H4C13: variants seen among roughly 807,000 people sequenced by gnomAD.
The protein encoded by H4C13 is H4 clustered histone 13.
Under a neutral mutation model 5.2 loss-of-function variants are expected in H4C13, and 11 were observed. That is an observed-to-expected ratio of 2.13 (90% CI 1.34 to 3.52). The LOEUF (loss-of-function observed/expected upper bound fraction) is 3.52, where lower values mean the gene tolerates loss of function less well. Among genes scored for constraint, H4C13 ranks in the 30% most tolerant of loss-of-function variants. The pLI, the probability that H4C13 is intolerant of heterozygous loss-of-function variation, is 0.00. For synonymous variants in H4C13, 94 were observed against 59.4 expected (o/e 1.58, Z -2.68); for missense variants, 171 against 146.8 (o/e 1.17, Z -0.85).
Position 27,873,339 on chromosome 6 carries a change from C to T in H4C13, c.172G>A (p.Val58Ile), listed in dbSNP as rs552991432. ...SGLIYEETRG[V>I]LKVFLENVIR... is the part of the protein sequence containing the mutation. Reference sequence around the variant, plus strand: ...ACATTCTCCAAAAACACTTTAAGAACTCCGCGTGTCTCCTCGTATATAAGG... The same window carrying T: ...ACATTCTCCAAAAACACTTTAAGAATTCCGCGTGTCTCCTCGTATATAAGG... The change falls in exon 1 of 1, where the codon GTT becomes ATT. Residue 58 changes from valine (V) to isoleucine (I), a missense_variant. Transcript: ENST00000618305. The T allele has an allele frequency of 6.2e-6, 10 of 1,614,160 alleles. No homozygotes were observed. Among genetic ancestry groups the T allele is most frequent in the Admixed American group, 1.7e-5 (1 of 60,016 alleles).
In H4C13 at chr6:27,873,478, C is replaced by T. The variant is rs867475366; in HGVS notation, c.33G>A (p.Leu11=). ...GGTGGCGCTTAGCGCCTCCTTTGCC[C>T]AGACCCTTCCCGCCTTTGCCGCGCC... MSGRGKGGKG[L]GKGGAKRHRK... The change falls in exon 1 of 1, where the codon CTG becomes CTA. Residue 11 remains leucine (L), a synonymous_variant. Transcript: ENST00000618305. The T allele has an allele frequency of 7.4e-6, 12 of 1,612,906 alleles. No individual in the cohort carries two copies. The Middle Eastern group carries it at 8.3e-4, about 111-fold the overall frequency.
In H4C13 at chr6:27,873,464, G is replaced by T; in HGVS notation, c.47C>A (p.Ala16Asp). The change falls in exon 1 of 1, where the codon GCT becomes GAT. Residue 16 changes from alanine (A) to aspartate (D), a missense_variant. Ala to Asp is a moderately radical substitution (Grantham distance 126). Coordinates refer to ENST00000618305, the MANE Select transcript of H4C13 (RefSeq NM_003546.3). ...GCGCAGAACTTTGCGGTGGCGCTTA[G>T]CGCCTCCTTTGCCCAGACCCTTCCC... ...KGGKGLGKGG[A>D]KRHRKVLRDN... is the part of the protein sequence containing the mutation. The T allele has an allele frequency of 1.2e-6, 2 of 1,614,128 alleles. No homozygotes were observed. The highest frequency in any genetic ancestry group is 1.7e-5 in the Admixed American group (1 of 60,006).
Position 27,873,198 on chromosome 6 carries a change from C to T in H4C13, c.*1G>A. 1.9e-6 allele frequency: 3 copies of T among 1,612,450 alleles called. No individual in the cohort carries two copies. The highest frequency in any genetic ancestry group is 3.3e-5 in the Admixed American group (2 of 59,792). ...AGGAACCGTGTAAGTAAGTAAAACACTCAGCCGCCAAAGCCATACAGGGTG... is the reference window on the plus strand; with the variant it reads ...AGGAACCGTGTAAGTAAGTAAAACATTCAGCCGCCAAAGCCATACAGGGTG... On this transcript the variant is annotated 3_prime_UTR_variant, in exon 1 of 1. Transcript: ENST00000618305.
At position 27,873,206 on chromosome 6, in the gene H4C13, C is replaced by T. The variant is rs763177767; in HGVS notation, c.305G>A (p.Gly102Asp). The T allele has an allele frequency of 6.2e-7, 1 of 1,613,436 alleles. No individual in the cohort carries two copies. The highest frequency in any genetic ancestry group is 1.3e-5 in the African/African-American group (1 of 74,928). The change falls in exon 1 of 1, where the codon GGC (glycine) becomes GAC (aspartate). Residue 102 changes from glycine (G) to aspartate (D), a missense_variant. Gly to Asp is a moderately conservative substitution (Grantham distance 94). Coordinates refer to ENST00000618305, the MANE Select transcript of H4C13 (RefSeq NM_003546.3). ...KRQGRTLYGF[G>D]G ...TGTAAGTAAGTAAAACACTCAGCCG[C>T]CAAAGCCATACAGGGTGCGGCCCTG...
In H4C13 at chr6:27,873,209, A is replaced by AAGCC; in HGVS notation, c.298_301dup (p.Phe101TrpfsTer?). ...AAGTAAGTAAAACACTCAGCCGCCA[A>AAGCC]AGCCATACAGGGTGCGGCCCTGGCG... On this transcript the variant is annotated frameshift_variant, in exon 1 of 1. Transcript: ENST00000618305. LOFTEE classifies it high-confidence loss of function. 1 of 1,613,794 alleles carries AAGCC rather than the reference A, an allele frequency of 6.2e-7. No homozygotes were observed. Among genetic ancestry groups the AAGCC allele is most frequent in the Non-Finnish European group, 8.5e-7 (1 of 1,179,816 alleles).
At position 27,873,170 on chromosome 6, in the gene H4C13, T is replaced by C; in HGVS notation, c.*29A>G. ...TCATGGGTGGCCCTGAGAAGGGCCT[T>C]TGAGGAACCGTGTAAGTAAGTAAAA... On this transcript the variant is annotated 3_prime_UTR_variant, in exon 1 of 1. Transcript: ENST00000618305. The C allele has an allele frequency of 6.3e-7, 1 of 1,598,684 alleles. No homozygotes were observed. The highest frequency in any genetic ancestry group is 1.1e-5 in the South Asian group (1 of 88,932).
rs767433753 is a variant in H4C13, at chr6:27,873,435, T to C, written c.76A>G (p.Asn26Asp). Residue 26 changes from asparagine to aspartate, a missense_variant, in exon 1 of 1, where the codon AAC becomes GAC. Asn to Asp is a conservative substitution (Grantham distance 23). Coordinates refer to ENST00000618305, the MANE Select transcript of H4C13 (RefSeq NM_003546.3). ...GCGGGCTTGGTGATGCCCTGAATGT[T>C]GTCGCGCAGAACTTTGCGGTGGCGC... The part of the protein sequence containing the change: ...AKRHRKVLRD[N>D]IQGITKPAIR... The C allele has an allele frequency of 1.2e-6, 2 of 1,614,288 alleles. No individual in the cohort carries two copies. The highest frequency in any genetic ancestry group is 1.7e-6 in the Non-Finnish European group (2 of 1,180,054).
At position 27,873,189 on chromosome 6, in the gene H4C13, A is replaced by C. The variant is rs372443028; in HGVS notation, c.*10T>G. The C allele has an allele frequency of 1.2e-6, 2 of 1,610,632 alleles. No individual in the cohort carries two copies. The highest frequency in any genetic ancestry group is 2.7e-5 in the African/African-American group (2 of 74,798). On this transcript the variant is annotated 3_prime_UTR_variant, in exon 1 of 1. Coordinates refer to ENST00000618305, the MANE Select transcript of H4C13 (RefSeq NM_003546.3). ...GGGCCTTTGAGGAACCGTGTAAGTAAGTAAAACACTCAGCCGCCAAAGCCA... is the reference window on the plus strand; with the variant it reads ...GGGCCTTTGAGGAACCGTGTAAGTACGTAAAACACTCAGCCGCCAAAGCCA...
chr6:27,873,336 G>A lies in H4C13; in HGVS notation c.175C>T (p.Leu59Phe), dbSNP rs1429409145. 6 of 1,614,158 alleles carry A rather than the reference G, an allele frequency of 3.7e-6. No individual in the cohort carries two copies. Among genetic ancestry groups the A allele is most frequent in the East Asian group, 2.2e-5 (1 of 44,892 alleles). ...GLIYEETRGV[L>F]KVFLENVIRD... ...ATTACATTCTCCAAAAACACTTTAA[G>A]AACTCCGCGTGTCTCCTCGTATATA... is the stretch of plus-strand genomic sequence containing the variant. Residue 59 changes from leucine to phenylalanine, a missense_variant, in exon 1 of 1, where the codon CTT becomes TTT. Physicochemically the swap from Leu to Phe is conservative, Grantham distance 22. Coordinates refer to ENST00000618305, the MANE Select transcript of H4C13 (RefSeq NM_003546.3).
rs893871981 is a variant in H4C13, at chr6:27,873,296, G to A, written c.215C>T (p.Thr72Ile). The change falls in exon 1 of 1, where the codon ACC (threonine) becomes ATC (isoleucine). Residue 72 changes from threonine (T) to isoleucine (I), a missense_variant. Coordinates refer to ENST00000618305, the MANE Select transcript of H4C13 (RefSeq NM_003546.3). ...FLENVIRDAV[T>I]YTEHAKRKTV... ...CTTGCGTTTGGCGTGCTCCGTGTAG[G>A]TAACTGCATCGCGGATTACATTCTC... 1 of 1,614,274 alleles carries A rather than the reference G, an allele frequency of 6.2e-7. No homozygotes were observed. Among genetic ancestry groups the A allele is most frequent in the Admixed American group, 1.7e-5 (1 of 60,036 alleles).
Position 27,873,244 on chromosome 6 carries a change from G to C in H4C13, c.267C>G (p.Tyr89Ter). 6.2e-7 allele frequency: 1 copy of C among 1,614,278 alleles called. No individual in the cohort carries two copies. The highest frequency in any genetic ancestry group is 8.5e-7 in the Non-Finnish European group (1 of 1,180,046). ...GGGTGCGGCCCTGGCGCTTGAGCGC[G>C]TAAACCACGTCCATGGCTGTGACTG... ...RKTVTAMDVV[Y>*]ALKRQGRTLY... Residue 89 changes from tyrosine to a stop codon, truncating the protein, a stop_gained, in exon 1 of 1, where the codon TAC becomes TAG. Transcript: ENST00000618305. LOFTEE classifies it high-confidence loss of function.
At position 27,873,321 on chromosome 6, in the gene H4C13, C is replaced by A; in HGVS notation, c.190G>T (p.Glu64Ter). The A allele has an allele frequency of 6.2e-7, 1 of 1,614,254 alleles. No individual in the cohort carries two copies. The highest frequency in any genetic ancestry group is 8.5e-7 in the Non-Finnish European group (1 of 1,180,040). Residue 64 changes from glutamate to a stop codon, truncating the protein, a stop_gained, in exon 1 of 1, where the codon GAG becomes TAG. Coordinates refer to ENST00000618305, the MANE Select transcript of H4C13 (RefSeq NM_003546.3). LOFTEE classifies it high-confidence loss of function. ...GTAACTGCATCGCGGATTACATTCTCCAAAAACACTTTAAGAACTCCGCGT... is the reference window on the plus strand; with the variant it reads ...GTAACTGCATCGCGGATTACATTCTACAAAAACACTTTAAGAACTCCGCGT... ...ETRGVLKVFL[E>*]NVIRDAVTYT... is the part of the protein sequence containing the mutation.
rs765956793 is a variant in H4C13 at position 27,873,427 on chromosome 6, C to T, written c.84G>A (p.Gln28=). 5.6e-6 allele frequency: 9 copies of T among 1,614,174 alleles called. No individual in the cohort carries two copies. The highest frequency in any genetic ancestry group is 7.6e-6 in the Non-Finnish European group (9 of 1,180,054). The change falls in exon 1 of 1, where the codon CAG becomes CAA. Residue 28 remains glutamine, a synonymous_variant. Coordinates refer to ENST00000618305, the MANE Select transcript of H4C13 (RefSeq NM_003546.3). ...RHRKVLRDNI[Q]GITKPAIRRL... The stretch of plus-strand genomic sequence containing the variant: ...GTCGGATGGCGGGCTTGGTGATGCC[C>T]TGAATGTTGTCGCGCAGAACTTTGC...
Position 27,873,301 on chromosome 6 carries a change from T to C in H4C13, c.210A>G (p.Ala70=). 6.2e-7 allele frequency: 1 copy of C among 1,614,260 alleles called. No homozygotes were observed. The highest frequency in any genetic ancestry group is 1.3e-5 in the African/African-American group (1 of 75,070). The change falls in exon 1 of 1, where the codon GCA becomes GCG. Residue 70 remains alanine, a synonymous_variant. Transcript: ENST00000618305. Reference sequence around the variant, plus strand: ...GTTTGGCGTGCTCCGTGTAGGTAACTGCATCGCGGATTACATTCTCCAAAA... The same window carrying C: ...GTTTGGCGTGCTCCGTGTAGGTAACCGCATCGCGGATTACATTCTCCAAAA... ...KVFLENVIRD[A]VTYTEHAKRK...
At position 27,873,404 on chromosome 6, in the gene H4C13, C is replaced by A. The variant is rs200857174; in HGVS notation, c.107G>T (p.Arg36Leu). 1.0e-4 allele frequency: 162 copies of A among 1,614,176 alleles called. No individual in the cohort carries two copies. The highest frequency in any genetic ancestry group is 1.2e-4 in the Non-Finnish European group (136 of 1,180,064). Residue 36 changes from arginine (R) to leucine (L), a missense_variant, in exon 1 of 1, where the codon CGA becomes CTA. By Grantham distance (102) the Arg-to-Leu change is moderately radical. Coordinates refer to ENST00000618305, the MANE Select transcript of H4C13 (RefSeq NM_003546.3). ...AACGCCTCCACGCCGTGCCAGGCGTCGGATGGCGGGCTTGGTGATGCCCTG... is the reference window on the plus strand; with the variant it reads ...AACGCCTCCACGCCGTGCCAGGCGTAGGATGGCGGGCTTGGTGATGCCCTG... Reference protein sequence around the residue: ...NIQGITKPAIRRLARRGGVKR... With the variant: ...NIQGITKPAILRLARRGGVKR...
Position 27,873,489 on chromosome 6 carries a change from C to A in H4C13, c.22G>T (p.Gly8Trp). 1 of 1,611,316 alleles carries A rather than the reference C, an allele frequency of 6.2e-7. No individual in the cohort carries two copies. Among genetic ancestry groups the A allele is most frequent in the South Asian group, 1.1e-5 (1 of 90,988 alleles). Residue 8 changes from glycine (G) to tryptophan (W), a missense_variant, in exon 1 of 1, where the codon GGG (glycine) becomes TGG (tryptophan). Physicochemically the swap from Gly to Trp is radical, Grantham distance 184 (BLOSUM62 -2). Transcript: ENST00000618305. Reference protein sequence around the residue: MSGRGKGGKGLGKGGAKR... With the variant: MSGRGKGWKGLGKGGAKR... ...GCGCCTCCTTTGCCCAGACCCTTCCCGCCTTTGCCGCGCCCAGACATGTCT... is the reference window on the plus strand; with the variant it reads ...GCGCCTCCTTTGCCCAGACCCTTCCAGCCTTTGCCGCGCCCAGACATGTCT...
At position 27,873,523 on chromosome 6, in the gene H4C13, A is replaced by G. The variant is rs1761658317; in HGVS notation, c.-13T>C. The G allele has an allele frequency of 6.3e-7, 1 of 1,586,000 alleles. No individual in the cohort carries two copies. The highest frequency in any genetic ancestry group is 8.6e-7 in the Non-Finnish European group (1 of 1,164,776). ...CGCGCCCAGACATGTCTTGTACTAA[A>G]CAAAATGCAACACGGCAAGCCTCGC... On this transcript the variant is annotated 5_prime_UTR_variant, in exon 1 of 1. Coordinates refer to ENST00000618305, the MANE Select transcript of H4C13 (RefSeq NM_003546.3).
Position 27,873,220 on chromosome 6 carries a change from G to T in H4C13, c.291C>A (p.Thr97=). 6.2e-7 allele frequency: 1 copy of T among 1,614,240 alleles called. No homozygotes were observed. The highest frequency in any genetic ancestry group is 1.1e-5 in the South Asian group (1 of 91,084). Residue 97 remains threonine (T), a synonymous_variant, in exon 1 of 1, where the codon ACC becomes ACA. Transcript: ENST00000618305. ...VVYALKRQGR[T]LYGFGG is the part of the protein sequence containing the mutation. Reference sequence around the variant, plus strand: ...ACACTCAGCCGCCAAAGCCATACAGGGTGCGGCCCTGGCGCTTGAGCGCGT... The same window carrying T: ...ACACTCAGCCGCCAAAGCCATACAGTGTGCGGCCCTGGCGCTTGAGCGCGT...
chr6:27,873,505 A>G lies in H4C13; in HGVS notation c.6T>C (p.Ser2=), dbSNP rs762408618. The G allele has an allele frequency of 1.2e-6, 2 of 1,609,710 alleles. No individual in the cohort carries two copies. Among genetic ancestry groups the G allele is most frequent in the Admixed American group, 1.7e-5 (1 of 59,448 alleles). M[S]GRGKGGKGLG... is the part of the protein sequence containing the mutation. ...GACCCTTCCCGCCTTTGCCGCGCCC[A>G]GACATGTCTTGTACTAAACAAAATG... The change falls in exon 1 of 1, where the codon TCT becomes TCC. Residue 2 remains serine (S), a synonymous_variant. Coordinates refer to ENST00000618305, the MANE Select transcript of H4C13 (RefSeq NM_003546.3).
Sources: gnomAD v4.1 joint callset for allele counts on GRCh38, gnomAD v4.1.1 for gene constraint, MANE v1.5 for transcripts, NCBI Gene and HGNC (gene_info 2026-07-23, HGNC 2026-07-21) for gene names.